The following SLC7A2 variants were observed in gnomAD, a reference collection of about 807,000 sequenced individuals.
SLC7A2 encodes the protein solute carrier family 7 member 2.
SLC7A2 carries 48 observed loss-of-function variants against 58.9 expected under a neutral mutation model. The observed-to-expected ratio is 0.82, with a 90% confidence interval of 0.65 to 1.04. SLC7A2 has a LOEUF of 1.04. SLC7A2 is among the 50% of genes least tolerant of loss of function. SLC7A2 has a pLI of 0.00. For synonymous variants in SLC7A2, 363 were observed against 314.5 expected (o/e 1.15, Z -1.63); for missense variants, 1,029 against 818.8 (o/e 1.26, Z -3.13).
intron 2 of SLC7A2, among the ~76,000 whole-genome samples, chr8:17,540,873 C>T (rs1005809306): frequency 6.6e-6 from 1 of 152,140 alleles, no homozygotes; most frequent in Non-Finnish European, 1.5e-5. Flanking sequence ...GTTTTCCTTG[C>T]TTCCTTCCAG....
At chr8:17,515,192 C>T (rs1483248249) in intron 2 of SLC7A2, among the ~76,000 whole-genome samples, 2 of 152,276 alleles carry the variant, frequency 1.3e-5, no homozygotes, top group South Asian at 2.1e-4. Flanking sequence ...TGGTGTGATA[C>T]ACCCGGTACT....
chr8:17,503,594 G>C (rs550466450), intron 2 of SLC7A2, among the ~76,000 whole-genome samples: 1 of 152,134 alleles, frequency 6.6e-6, no homozygotes, highest in South Asian at 2.1e-4. Context: ...GTATCAAAGA[G>C]TACTTATTAT....
chr8:17,523,498 G>A (rs952633702), intron 2 of SLC7A2, among the ~76,000 whole-genome samples: 1 of 152,074 alleles, frequency 6.6e-6, no homozygotes, highest in African/African-American at 2.4e-5. Flanking sequence ...AAGCAAACAT[G>A]GCATAAAGTG....
At chr8:17,498,663 T>A (rs542920926) in intron 1 of SLC7A2, 2 of 152,324 alleles carry the variant, frequency 1.3e-5, no homozygotes, top group African/African-American at 4.8e-5. Context: ...TGCCTTCATC[T>A]GGGAATGGTC....
chr8:17,505,785 C>T (rs981547919), intron 2 of SLC7A2, among the ~76,000 whole-genome samples: 18 of 152,190 alleles, frequency 1.2e-4, no homozygotes, highest in African/African-American at 2.4e-4. Flanking sequence ...CAGTCTGATA[C>T]GGATATTCTT....
chr8:17,524,108 A>G (rs1294633277), intron 2 of SLC7A2, among the ~76,000 whole-genome samples: 1 of 152,120 alleles, frequency 6.6e-6, no homozygotes, highest in African/African-American at 2.4e-5. Context: ...AAAAGAATAG[A>G]TGTTGGCATG....
At chr8:17,513,486 T>A (rs1181595873) in intron 2 of SLC7A2, among the ~76,000 whole-genome samples, 1 of 152,216 alleles carries the variant, frequency 6.6e-6, no homozygotes. Flanking sequence ...TTTCCATGAT[T>A]TTAAAAGATA....
chr8:17,528,078 C>G (rs978644453), intron 2 of SLC7A2, among the ~76,000 whole-genome samples: 1 of 152,000 alleles, frequency 6.6e-6, no homozygotes, highest in South Asian at 2.1e-4. Flanking sequence ...TGCAGAACGC[C>G]CTGGGGCACT....
chr8:17,494,604 T>C (rs1799915031), upstream of SLC7A2, among the ~76,000 whole-genome samples: 1 of 152,208 alleles, frequency 6.6e-6, no homozygotes, highest in South Asian at 2.1e-4. Context: ...CTGTTTCAAA[T>C]ATTTCATTTC....
At chr8:17,544,116 C>G (rs1387839241) in intron 3 of SLC7A2, among the ~76,000 whole-genome samples, 1 of 152,202 alleles carries the variant, frequency 6.6e-6, no homozygotes, top group African/African-American at 2.4e-5. Flanking sequence ...GTGATCCACT[C>G]ACCTCGGCCT....
intron 2 of SLC7A2, among the ~76,000 whole-genome samples, chr8:17,537,406 G>C (rs886504282): frequency 6.6e-6 from 1 of 152,072 alleles, no homozygotes; most frequent in African/African-American, 2.4e-5. Flanking sequence ...TGTCAAGCTG[G>C]TCCCCAGTGT....
At chr8:17,560,949 A>G (rs1446984802) in intron 10 of SLC7A2, among the ~76,000 whole-genome samples, 2 of 152,156 alleles carry the variant, frequency 1.3e-5, no homozygotes, top group South Asian at 2.1e-4. Flanking sequence ...AATGACATTT[A>G]TTGAACATTG....
At position 17,567,651 on chromosome 8, in the gene SLC7A2, G is replaced by A. The variant is rs1306645894; in HGVS notation, c.*2505G>A. The A allele has an allele frequency of 2.0e-5, 3 of 152,400 alleles. No individual in the cohort carries two copies. The highest frequency in any genetic ancestry group is 4.4e-5 in the Non-Finnish European group (3 of 68,014). 9.4% of individuals were successfully genotyped at this position (152,400 alleles called of 1,614,324 possible). A position where few individuals can be genotyped will look rare whatever the true frequency, so the allele number is the denominator to read the frequency against. The stretch of plus-strand genomic sequence containing the variant: ...TGGGCTTTGACTATGTCATTAGGTG[G>A]GTACAAAACCCAACTGATGTGGAGA... On this transcript the variant is annotated 3_prime_UTR_variant, in exon 13 of 13. Coordinates refer to ENST00000494857, the MANE Select transcript of SLC7A2 (RefSeq NM_001370338.1).
In SLC7A2 at chr8:17,565,225, A is replaced by C. The variant is rs138456382; in HGVS notation, c.*79A>C. On this transcript the variant is annotated 3_prime_UTR_variant, in exon 13 of 13. Transcript: ENST00000494857. ...TAAACCGTAACGGGATGTCATCAGC[A>C]TGCTGGGTTGTCATGGGTTTGCTGC... 620 of 1,167,838 alleles carry C rather than the reference A, an allele frequency of 5.3e-4. 2 individuals carry two copies. In the African/African-American group the frequency reaches 8.8e-3, roughly 16 times the overall value. The allele number at this position is 1,167,838 out of a possible 1,614,324, so 72.3% of individuals were successfully genotyped here.
intron 2 of SLC7A2, among the ~76,000 whole-genome samples, chr8:17,530,803 C>T (rs868050926): frequency 5.5e-4 from 83 of 152,100 alleles, no homozygotes; most frequent in African/African-American, 2.0e-3. Context: ...AACTCCTGAC[C>T]TCAAGTGATC....
intron 2 of SLC7A2, among the ~76,000 whole-genome samples, chr8:17,528,835 G>C (rs1170112461): frequency 6.6e-6 from 1 of 152,166 alleles, no homozygotes; most frequent in East Asian, 1.9e-4. Flanking sequence ...TAATGGGTAA[G>C]AGTTATAGGA....
intron 1 of SLC7A2, among the ~76,000 whole-genome samples, chr8:17,498,226 A>G (rs1800026282): frequency 6.6e-6 from 1 of 152,220 alleles, no homozygotes; most frequent in South Asian, 2.1e-4. Flanking sequence ...CCTTTTAATG[A>G]GAGGATATCG....
intron 8 of SLC7A2, among the ~76,000 whole-genome samples, chr8:17,555,367 T>G (rs1168332894): frequency 1.3e-5 from 2 of 152,162 alleles, no homozygotes; most frequent in African/African-American, 4.8e-5. Context: ...AGCTCTTCAC[T>G]AAATATTATG....
Position 17,552,570 on chromosome 8 carries a change from G to A in SLC7A2, c.1055+584G>A, listed in dbSNP as rs577364784. On this transcript the variant is annotated intron_variant, in intron 7 of 12. Coordinates refer to ENST00000494857, the MANE Select transcript of SLC7A2 (RefSeq NM_001370338.1). ...AGAAATTATCATTCTTAAATAAATG[G>A]TGGAAATTCATATAAATATGTGAAG... Among the ~76,000 whole-genome samples, 31 of 100,984 alleles carry A rather than the reference G, an allele frequency of 3.1e-4. 1 individual carries two copies. The Middle Eastern group carries it at 0.019, about 61-fold the overall frequency. The allele number at this position is 100,984 out of a possible 152,430, so 66.2% of individuals were successfully genotyped here. A position where few individuals can be genotyped will look rare whatever the true frequency, so the allele number is the denominator to read the frequency against.
Sources: gnomAD v4.1 joint callset for allele counts (sites outside exome capture counted in the v4.1 genomes callset) on GRCh38, gnomAD v4.1.1 for gene constraint, MANE v1.5 for transcripts, NCBI Gene and HGNC (gene_info 2026-07-23, HGNC 2026-07-21) for gene names.